Variants in HEPH observed in about 807,000 individuals in gnomAD.
HEPH encodes hephaestin.
In HEPH, 69 loss-of-function variants were observed where a neutral mutation model predicts 80.8. The observed-to-expected ratio is 0.85, with a 90% confidence interval of 0.70 to 1.04. HEPH has a LOEUF of 1.04. HEPH is among the 50% of genes least tolerant of loss of function. The pLI is 0.00. For missense variants in HEPH, 1,115 were observed against 891.3 expected (o/e 1.25, Z -3.20); for synonymous variants, 431 against 322.8 (o/e 1.34, Z -3.60).
Position 66,258,951 on chromosome X carries a change from A to C in HEPH, c.3008A>C (p.His1003Pro), listed in dbSNP as rs749075378. The C allele has an allele frequency of 8.3e-7, 1 of 1,203,329 alleles. No individual in the cohort carries two copies. Among genetic ancestry groups the C allele is most frequent in the Admixed American group, 2.2e-5 (1 of 44,908 alleles). The change falls in exon 18 of 21, where the codon CAC (histidine) becomes CCC (proline). Residue 1003 changes from histidine to proline, a missense_variant. By Grantham distance (77) the His-to-Pro change is moderately conservative. Transcript: ENST00000343002. ...CAAGATGTGGATCTACACACCATCC[A>C]CTTTCATGCAGAGAGCTTCCTCTAT... ...MGQDVDLHTI[H>P]FHAESFLYRN... is the part of the protein sequence containing the mutation.
chrX:66,236,493 A>G (rs1289767762), intron 15 of HEPH, among the ~76,000 whole-genome samples: 1 of 111,375 alleles, frequency 9.0e-6, no homozygotes, highest in Non-Finnish European at 1.9e-5. Flanking sequence ...AAGCCTTTTG[A>G]TGTGCTGTGG....
At chrX:66,215,410 A>G (rs889434509) in intron 15 of HEPH, among the ~76,000 whole-genome samples, 2 of 110,976 alleles carry the variant, frequency 1.8e-5, no homozygotes, top group Non-Finnish European at 3.8e-5. Flanking sequence ...GATCACCAAT[A>G]CTAGTGATGG....
At chrX:66,260,855 C>T (rs1254686236) in intron 19 of HEPH, among the ~76,000 whole-genome samples, 1 of 110,344 alleles carries the variant, frequency 9.1e-6, no homozygotes, top group Non-Finnish European at 1.9e-5. Context: ...GAGCCTCAGA[C>T]TCTTAGACTC....
At chrX:66,249,835 T>C (rs1401360958) in intron 15 of HEPH, among the ~76,000 whole-genome samples, 1 of 111,755 alleles carries the variant, frequency 8.9e-6, no homozygotes, top group East Asian at 2.8e-4. Flanking sequence ...TGGATTCTGA[T>C]GCTGCTGGTG....
At chrX:66,176,887 C>A (rs1008531055) in intron 4 of HEPH, among the ~76,000 whole-genome samples, 2 of 111,375 alleles carry the variant, frequency 1.8e-5, no homozygotes, top group South Asian at 7.5e-4. Flanking sequence ...TAGGCAATAC[C>A]ATTCAGGACA....
chrX:66,256,339 TA>T lies in HEPH; in HGVS notation c.2896+15del, dbSNP rs746551705. 4.1e-5 allele frequency: 47 copies of T among 1,145,706 alleles called. No homozygotes were observed. In the South Asian group the frequency reaches 7.2e-4, roughly 18 times the overall value. 94.4% of individuals were successfully genotyped at this position (1,145,706 alleles called of 1,213,427 possible). A position where few individuals can be genotyped will look rare whatever the true frequency, so the allele number is the denominator to read the frequency against. ...GAGCAATAAAATGCATGGTCAGTAG[TA>T]AAAAACCTACTCTTGTTCCAAAGCA... is the stretch of plus-strand genomic sequence containing the variant. On this transcript the variant is annotated intron_variant, in intron 17 of 20. Transcript: ENST00000343002.
intron 15 of HEPH, among the ~76,000 whole-genome samples, chrX:66,253,991 T>G (rs1192191016): frequency 9.0e-6 from 1 of 110,901 alleles, no homozygotes; most frequent in African/African-American, 3.3e-5. Flanking sequence ...GTTTTTTTGG[T>G]GGTAATGAAA....
chrX:66,241,475 A>G (rs2090578364), intron 15 of HEPH, among the ~76,000 whole-genome samples: 1 of 111,896 alleles, frequency 8.9e-6, no homozygotes, highest in African/African-American at 3.2e-5. Context: ...TCAAGATAAA[A>G]CAGACTTTAA....
intron 7 of HEPH, 49 bp downstream of exon 7, chrX:66,192,347 C>T: frequency 6.6e-6 from 7 of 1,056,920 alleles, no homozygotes; most frequent in Non-Finnish European, 9.1e-6. Flanking sequence ...TGGTCCAGCT[C>T]CAAACATTTA....
chrX:66,204,535 C>T (rs1226112133), intron 13 of HEPH, among the ~76,000 whole-genome samples: 2 of 112,117 alleles, frequency 1.8e-5, no homozygotes, highest in African/African-American at 6.5e-5. Context: ...AAACAAAAAT[C>T]CATGGAATGT....
intron 18 of HEPH, 107 bp from the exon 19 acceptor site, chrX:66,259,993 A>G: frequency 3.3e-6 from 2 of 613,943 alleles, no homozygotes; most frequent in Non-Finnish European, 5.2e-6. Context: ...GGAACCTTGA[A>G]GTCTCAGCTC....
chrX:66,231,703 T>A (rs2090151562), intron 15 of HEPH, among the ~76,000 whole-genome samples: 1 of 109,408 alleles, frequency 9.1e-6, no homozygotes, highest in African/African-American at 3.3e-5. Flanking sequence ...TTTCTAGATA[T>A]ACAATCATGT....
intron 15 of HEPH, among the ~76,000 whole-genome samples, chrX:66,219,398 G>A (rs932834789): frequency 8.9e-6 from 1 of 111,789 alleles, no homozygotes; most frequent in African/African-American, 3.3e-5. Flanking sequence ...CAATTAGTAA[G>A]GTTAAATTTT....
chrX:66,188,447 C>T lies in HEPH; in HGVS notation c.714C>T (p.Ser238=), dbSNP rs1213859420. The change falls in exon 5 of 21, where the codon AGC becomes AGT. Residue 238 remains serine, a synonymous_variant. Coordinates refer to ENST00000343002, the MANE Select transcript of HEPH (RefSeq NM_001367233.3). ...TCAGTGTGGTAGATGAGAACCTCAG[C>T]TGGCATCTCAATGAGAACATTGCCA... ...LLFSVVDENL[S]WHLNENIATY... is the part of the protein sequence containing the mutation. The T allele has an allele frequency of 2.5e-6, 3 of 1,207,359 alleles. No individual in the cohort carries two copies. The highest frequency in any genetic ancestry group is 3.4e-6 in the Non-Finnish European group (3 of 892,189).
intron 15 of HEPH, among the ~76,000 whole-genome samples, chrX:66,237,461 G>A (rs1474029000): frequency 8.9e-6 from 1 of 111,886 alleles, no homozygotes; most frequent in East Asian, 2.8e-4. Context: ...TCTTAGTCTT[G>A]ATTTCTAATA....
At chrX:66,170,489 C>T (rs980252999) in intron 1 of HEPH, 69 bp from the exon 2 acceptor site, 2 of 994,527 alleles carry the variant, frequency 2.0e-6, no homozygotes, top group Non-Finnish European at 2.7e-6. Flanking sequence ...CTTCAGTTTT[C>T]TGGACACGTA....
Position 66,225,351 on chromosome X carries a change from G to T in HEPH, c.2563+17105G>T, listed in dbSNP as rs755179776. Reference sequence around the variant, plus strand: ...ACACACACCACAAAACAAAGAATGGGTAAAAAGGGCACATAAACACTTTTA... The same window carrying T: ...ACACACACCACAAAACAAAGAATGGTTAAAAAGGGCACATAAACACTTTTA... On this transcript the variant is annotated intron_variant, in intron 15 of 20. Coordinates refer to ENST00000343002, the MANE Select transcript of HEPH (RefSeq NM_001367233.3). 1.8e-5 allele frequency among the ~76,000 whole-genome samples: 2 copies of T among 111,635 alleles called. 1 individual carries two copies. Among genetic ancestry groups the T allele is most frequent in the South Asian group, 7.6e-4 (2 of 2,627 alleles).
intron 15 of HEPH, among the ~76,000 whole-genome samples, chrX:66,219,031 TCTCA>T (rs1367564869): frequency 1.8e-5 from 2 of 111,886 alleles, no homozygotes; most frequent in African/African-American, 3.3e-5. Flanking sequence ...ACTTTGAGAA[TCTCA>T]CTCAATAGTG....
intron 14 of HEPH, 67 bp from the exon 15 acceptor site, chrX:66,208,048 C>A: frequency 1.1e-6 from 1 of 880,800 alleles, no homozygotes; most frequent in Non-Finnish European, 1.6e-6. Flanking sequence ...ATGTCCCTTT[C>A]TTTAATGCTC....
Sources: gnomAD v4.1 joint callset for allele counts (sites outside exome capture counted in the v4.1 genomes callset) on GRCh38, gnomAD v4.1.1 for gene constraint, MANE v1.5 for transcripts, NCBI Gene and HGNC (gene_info 2026-07-23, HGNC 2026-07-21) for gene names.